DTNBP1: variants seen among roughly 807,000 people sequenced by gnomAD.
DTNBP1 encodes the protein dystrobrevin binding protein 1, also known as dysbindin.
Under a neutral mutation model 42.8 loss-of-function variants are expected in DTNBP1, and 35 were observed. The observed-to-expected ratio is 0.82, with a 90% CI of 0.63 to 1.09. DTNBP1 has a LOEUF of 1.09. Among genes scored for constraint, DTNBP1 ranks in the 50% least tolerant of loss-of-function variants. DTNBP1 has a pLI of 0.00. For missense variants in DTNBP1, 457 were observed against 424.2 expected (o/e 1.08, Z -0.68); for synonymous variants, 171 against 162.2 (o/e 1.05, Z -0.41).
At chr6:15,569,362 C>G (rs200905295) in intron 7 of DTNBP1, among the ~76,000 whole-genome samples, 10 of 136,596 alleles carry the variant, frequency 7.3e-5, no homozygotes, top group Non-Finnish European at 9.5e-5. Context: ...GACCCCCCCC[C>G]GCCCGCCCCG....
At chr6:15,567,673 C>T (rs1010335095) in intron 7 of DTNBP1, among the ~76,000 whole-genome samples, 1 of 152,182 alleles carries the variant, frequency 6.6e-6, no homozygotes, top group South Asian at 2.1e-4. Context: ...TTGATTGATG[C>T]TTATATTTCC....
chr6:15,607,028 T>TTTTG (rs1758100033), intron 6 of DTNBP1, among the ~76,000 whole-genome samples: 1 of 151,402 alleles, frequency 6.6e-6, no homozygotes, highest in Non-Finnish European at 1.5e-5. Flanking sequence ...TTTTTTTTTT[T>TTTTG]GAGACAGAGT....
chr6:15,594,590 C>T (rs1177901419), intron 6 of DTNBP1, among the ~76,000 whole-genome samples: 2 of 152,006 alleles, frequency 1.3e-5, no homozygotes, highest in Non-Finnish European at 2.9e-5. Flanking sequence ...TGCCTAAAAC[C>T]TGCTTTATAC....
At chr6:15,585,886 G>A in intron 7 of DTNBP1, 1 of 1,416,114 alleles carries the variant, frequency 7.1e-7, no homozygotes, top group East Asian at 2.6e-5. Context: ...GCTGAAGCCA[G>A]AAGCAGGTTT....
intron 7 of DTNBP1, among the ~76,000 whole-genome samples, chr6:15,572,193 AC>A (rs936401617): frequency 6.6e-5 from 10 of 152,300 alleles, no homozygotes; most frequent in East Asian, 1.9e-4. Context: ...GAGAAAAAAA[AC>A]ATATTGTTCC....
chr6:15,625,216 G>C (rs1301429152), intron 5 of DTNBP1, among the ~76,000 whole-genome samples: 1 of 152,042 alleles, frequency 6.6e-6, no homozygotes, highest in Non-Finnish European at 1.5e-5. Context: ...TATTTCAAAG[G>C]CTAACAGATA....
chr6:15,630,447 A>G (rs1369256250), intron 4 of DTNBP1, among the ~76,000 whole-genome samples: 1 of 152,200 alleles, frequency 6.6e-6, no homozygotes, highest in Non-Finnish European at 1.5e-5. Flanking sequence ...AAAACCATGA[A>G]TCTTGAAAGT....
Position 15,569,552 on chromosome 6 carries a change from T to TAGTAA in DTNBP1, c.511+23506_511+23507insTTACT, listed in dbSNP as rs551538805. ...TCCTCCCATCTCCTCTTTCAGCTGCTCTATAATTACTAAACTCCTTCTCCA... is the reference window on the plus strand; with the variant it reads ...TCCTCCCATCTCCTCTTTCAGCTGCTAGTAACTATAATTACTAAACTCCTTCTCCA... On this transcript the variant is annotated intron_variant, in intron 7 of 9. Transcript: ENST00000344537. Among the ~76,000 whole-genome samples, 898 of 152,234 alleles carry TAGTAA rather than the reference T, an allele frequency of 5.9e-3. 11 individuals carry two copies. The highest frequency in any genetic ancestry group is 0.021 in the African/African-American group (852 of 41,516).
At chr6:15,618,785 T>C (rs988124339) in intron 5 of DTNBP1, among the ~76,000 whole-genome samples, 12 of 152,162 alleles carry the variant, frequency 7.9e-5, no homozygotes, top group South Asian at 2.1e-4. Flanking sequence ...CCCATGTTCA[T>C]TGCAGCTCTA....
intron 6 of DTNBP1, among the ~76,000 whole-genome samples, chr6:15,596,368 C>G (rs552554152): frequency 1.1e-4 from 16 of 152,294 alleles, no homozygotes; most frequent in African/African-American, 3.6e-4. Context: ...TTCCTACTCC[C>G]TCGCTTCGCA....
rs1199731844 is a variant in DTNBP1 at position 15,577,241 on chromosome 6, GC to G, written c.511+15817del. On this transcript the variant is annotated intron_variant, in intron 7 of 9. Transcript: ENST00000344537. ...GCCAAGGCCAGAGAGGGAGCAAAGG[GC>G]TGGGCCCTGCAGGGCCTCGCAAGCC... Among the ~76,000 whole-genome samples, 3 of 152,334 alleles carry G rather than the reference GC, an allele frequency of 2.0e-5. No individual in the cohort carries two copies. The East Asian group carries it at 5.8e-4, about 29-fold the overall frequency.
chr6:15,572,067 G>T (rs1287616304), intron 7 of DTNBP1, among the ~76,000 whole-genome samples: 1 of 152,032 alleles, frequency 6.6e-6, no homozygotes, highest in Non-Finnish European at 1.5e-5. Context: ...AAAGATTTAG[G>T]AGTCACATAA....
At chr6:15,642,257 C>G (rs1382426884) in intron 3 of DTNBP1, among the ~76,000 whole-genome samples, 1 of 152,178 alleles carries the variant, frequency 6.6e-6, no homozygotes, top group Non-Finnish European at 1.5e-5. Flanking sequence ...TACCCGCAAC[C>G]CGCAGCCAGG....
Position 15,556,231 on chromosome 6 carries a change from G to C in DTNBP1, c.512-22836C>G, listed in dbSNP as rs534811460. Among the ~76,000 whole-genome samples the C allele has an allele frequency of 2.3e-3, 353 of 151,530 alleles. 2 individuals are homozygous for C. The highest frequency in any genetic ancestry group is 8.1e-3 in the African/African-American group (334 of 41,246). On this transcript the variant is annotated intron_variant, in intron 7 of 9. Transcript: ENST00000344537. ...AGTTTTGCTCTTGTTGCCCAGGCTGGAGTGCAGTGGCACAGTCTCAGCTCA... is the reference window on the plus strand; with the variant it reads ...AGTTTTGCTCTTGTTGCCCAGGCTGCAGTGCAGTGGCACAGTCTCAGCTCA...
intron 6 of DTNBP1, 199 bp downstream of exon 6, chr6:15,615,068 C>G (rs1338692078): frequency 1.3e-6 from 1 of 780,348 alleles, no homozygotes; most frequent in African/African-American, 1.7e-5. Context: ...GTTTTACCTT[C>G]TCCTGAGTTT....
At chr6:15,601,512 G>A (rs972556639) in intron 6 of DTNBP1, among the ~76,000 whole-genome samples, 2 of 152,098 alleles carry the variant, frequency 1.3e-5, no homozygotes, top group African/African-American at 2.4e-5. Context: ...CTTAAGAACT[G>A]TAACTTCTAT....
At chr6:15,557,246 ATTTT>A (rs34529397) in intron 7 of DTNBP1, among the ~76,000 whole-genome samples, 1 of 135,070 alleles carries the variant, frequency 7.4e-6, no homozygotes, top group African/African-American at 2.7e-5. Context: ...GGGGGTGGGA[ATTTT>A]TTTTTTTTTT....
chr6:15,588,603 T>C (rs1776171195), intron 7 of DTNBP1, among the ~76,000 whole-genome samples: 2 of 152,214 alleles, frequency 1.3e-5, no homozygotes, highest in Admixed American at 6.5e-5. Flanking sequence ...TAAAGGGAAA[T>C]GTCCAAGTTC....
intron 1 of DTNBP1, 145 bp downstream of exon 1, chr6:15,662,669 G>T: frequency 8.0e-7 from 1 of 1,243,834 alleles, no homozygotes; most frequent in Non-Finnish European, 1.1e-6. Context: ...CGGGAAGTTC[G>T]TTACTTTCCT....
Sources: allele counts gnomAD v4.1 joint callset (sites outside exome capture counted in the v4.1 genomes callset), GRCh38; gene constraint gnomAD v4.1.1; transcripts MANE v1.5; gene names NCBI Gene and HGNC (gene_info 2026-07-23, HGNC 2026-07-21).